Variants in RNASET2 observed in about 807,000 individuals in gnomAD.
RNASET2 encodes ribonuclease 6.
RNASET2 carries 28 observed loss-of-function variants against 33.9 expected under a neutral mutation model. That is an observed-to-expected ratio of 0.83 (90% CI 0.61 to 1.13). The LOEUF is 1.13. RNASET2 is among the 50% of genes most tolerant of loss of function. The pLI, the probability that RNASET2 is intolerant of heterozygous loss-of-function variation, is 0.00. For missense variants in RNASET2, 330 were observed against 319.9 expected (o/e 1.03, Z -0.24); for synonymous variants, 123 against 121.0 (o/e 1.02, Z -0.11).
chr6:166,952,359 C>T (rs1352883245), intron 2 of RNASET2, 129 bp downstream of exon 2: 16 of 826,058 alleles, frequency 1.9e-5, no homozygotes, highest in Non-Finnish European at 3.0e-5. Context: ...CAGGAGACAC[C>T]GCCCACCCGC....
intron 1 of RNASET2, among the ~76,000 whole-genome samples, chr6:166,955,124 T>TG (rs1263937788): frequency 3.3e-5 from 5 of 152,260 alleles, no homozygotes; most frequent in African/African-American, 1.2e-4. Flanking sequence ...GAATTAAAGT[T>TG]GGAGTTCTTT....
chr6:166,949,320 G>A (rs896418738), intron 2 of RNASET2, among the ~76,000 whole-genome samples: 1 of 151,060 alleles, frequency 6.6e-6, no homozygotes, highest in African/African-American at 2.4e-5. Flanking sequence ...TGGCCAACCT[G>A]TGAAACCCTG....
rs753717179 is a variant in RNASET2 at position 166,939,058 on chromosome 6, G to A, written c.333-50C>T. 89 of 1,329,630 alleles carry A rather than the reference G, an allele frequency of 6.7e-5. No individual in the cohort carries two copies. In the Admixed American group the frequency reaches 7.9e-4, roughly 12 times the overall value. The allele number at this position is 1,329,630 out of a possible 1,614,324, so 82.4% of individuals were successfully genotyped here. ...ACTTAAAAGTAGTGAAACAGGCTGC[G>A]TGCAGTGGCTCATGCCTGTAATCCC... On this transcript the variant is annotated intron_variant, in intron 5 of 8. Coordinates refer to ENST00000508775, the MANE Select transcript of RNASET2 (RefSeq NM_003730.6).
At chr6:166,942,952 C>T (rs1200592541) in intron 5 of RNASET2, 67 bp downstream of exon 5, 12 of 1,283,554 alleles carry the variant, frequency 9.3e-6, no homozygotes, top group African/African-American at 2.9e-5. Context: ...CCACTTCTAG[C>T]GATTCATCAC....
chr6:166,929,812 A>T, intron 8 of RNASET2, 21 bp from the exon 9 acceptor site: 1 of 1,600,638 alleles, frequency 6.2e-7, no homozygotes, highest in Admixed American at 1.7e-5. Context: ...ACAATGAAAG[A>T]CGCTTTAGAA....
chr6:166,955,892 T>A (rs1779152824), intron 1 of RNASET2: 1 of 618,026 alleles, frequency 1.6e-6, no homozygotes, highest in African/African-American at 2.2e-5. Flanking sequence ...CCCAACCCAC[T>A]CCCTCCAGGG....
At chr6:166,952,389 C>A in intron 2 of RNASET2, 99 bp downstream of exon 2, 2 of 1,047,100 alleles carry the variant, frequency 1.9e-6, no homozygotes, top group Admixed American at 1.7e-5. Flanking sequence ...GCCTACCTCC[C>A]GCACCAGCAG....
At chr6:166,947,057 G>A (rs1448432522) in intron 3 of RNASET2, among the ~76,000 whole-genome samples, 1 of 152,110 alleles carries the variant, frequency 6.6e-6, no homozygotes, top group Non-Finnish European at 1.5e-5. Flanking sequence ...GTCAGCCCCG[G>A]CTGGGTTGAC....
intron 1 of RNASET2, among the ~76,000 whole-genome samples, chr6:166,954,108 A>C (rs1779050269): frequency 6.7e-6 from 1 of 150,234 alleles, no homozygotes. Flanking sequence ...ACTGCAGGAG[A>C]CCCCCTCCCA....
At chr6:166,950,221 T>C (rs969219239) in intron 2 of RNASET2, among the ~76,000 whole-genome samples, 1 of 140,012 alleles carries the variant, frequency 7.1e-6, no homozygotes, top group South Asian at 2.2e-4. Flanking sequence ...ACGGTCCTTC[T>C]TCCGTAGGAA....
At chr6:166,941,334 A>T (rs1295416222) in intron 5 of RNASET2, among the ~76,000 whole-genome samples, 2 of 152,234 alleles carry the variant, frequency 1.3e-5, no homozygotes, top group South Asian at 4.1e-4. Flanking sequence ...ATTTATTTTA[A>T]GCCATTTAGC....
intron 1 of RNASET2, 43 bp from the exon 2 acceptor site, chr6:166,952,591 A>C (rs1402541567): frequency 6.6e-7 from 1 of 1,517,868 alleles, no homozygotes; most frequent in African/African-American, 1.4e-5. Context: ...ACTTTTTTTA[A>C]AGTTACAGAA....
intron 2 of RNASET2, 50 bp from the exon 3 acceptor site, chr6:166,948,675 T>C (rs769278785): frequency 2.8e-6 from 3 of 1,063,822 alleles, no homozygotes; most frequent in Non-Finnish European, 4.4e-6. Context: ...TTTATTCAAA[T>C]ACACTTAGGA....
Position 166,946,594 on chromosome 6 carries a change from T to G in RNASET2, c.261+88A>C. 3 of 791,468 alleles carry G rather than the reference T, an allele frequency of 3.8e-6. No homozygotes were observed. The South Asian group carries it at 4.4e-5, about 12-fold the overall frequency. 49.0% of individuals were successfully genotyped at this position (791,468 alleles called of 1,614,324 possible). A position where few individuals can be genotyped will look rare whatever the true frequency, so the allele number is the denominator to read the frequency against. On this transcript the variant is annotated intron_variant, in intron 4 of 8. Coordinates refer to ENST00000508775, the MANE Select transcript of RNASET2 (RefSeq NM_003730.6). ...TGAATACATTCATGACCCCTTAATT[T>G]TAAAGATGACTTTGAAGGTACGCTT...
chr6:166,926,265 C>T lies in RNASET2; in HGVS notation c.*3323G>A, dbSNP rs1448695722. Among the ~76,000 whole-genome samples, 5 of 151,688 alleles carry T rather than the reference C, an allele frequency of 3.3e-5. No individual in the cohort carries two copies. Among genetic ancestry groups the T allele is most frequent in the South Asian group, 2.1e-4 (1 of 4,784 alleles). ...AAAGATAAGATACCTGGGCCAGGCG[C>T]GGTGGCTCACACCTATAATCCTAGC... On this transcript the variant is annotated 3_prime_UTR_variant, in exon 9 of 9. Transcript: ENST00000508775.
intron 5 of RNASET2, among the ~76,000 whole-genome samples, chr6:166,940,622 C>A (rs1778671818): frequency 6.6e-6 from 1 of 152,062 alleles, no homozygotes; most frequent in Non-Finnish European, 1.5e-5. Flanking sequence ...TCCTGGCTCA[C>A]AATAAACAGT....
chr6:166,955,347 G>GCACA (rs1491247340), intron 1 of RNASET2: 1 of 172,354 alleles, frequency 5.8e-6, no homozygotes, highest in African/African-American at 3.6e-5. Flanking sequence ...ACACGCACAC[G>GCACA]CACGCACACA....
At position 166,928,678 on chromosome 6, in the gene RNASET2, A is replaced by G. The variant is rs1778344866; in HGVS notation, c.*910T>C. ...AACAGGTTGTCTTAACAACACATGG[A>G]AAGCTCCTCACTGCACAGCCCCCAG... On this transcript the variant is annotated 3_prime_UTR_variant, in exon 9 of 9. Transcript: ENST00000508775. Among the ~76,000 whole-genome samples the G allele has an allele frequency of 1.3e-5, 2 of 152,240 alleles. No homozygotes were observed. Among genetic ancestry groups the G allele is most frequent in the African/African-American group, 4.8e-5 (2 of 41,454 alleles).
At position 166,956,115 on chromosome 6, in the gene RNASET2, C is replaced by G. The variant is rs767378195; in HGVS notation, c.68G>C (p.Gly23Ala). Residue 23 changes from glycine to alanine, a missense_variant, in exon 1 of 9, where the codon GGT becomes GCT. By Grantham distance (60) the Gly-to-Ala change is moderately conservative. Transcript: ENST00000508775. Reference protein sequence around the residue: ...CLCLALLCLGGADKRLRDNHE... With the variant: ...CLCLALLCLGAADKRLRDNHE... The stretch of plus-strand genomic sequence containing the variant: ...AACTCACCGCAGGCGCTTGTCCGCA[C>G]CGCCCAGGCAAAGCAACGCCAGGCA... 1.1e-5 allele frequency: 17 copies of G among 1,552,402 alleles called. No homozygotes were observed. The South Asian group carries it at 2.0e-4, about 18-fold the overall frequency.
Sources: allele counts gnomAD v4.1 joint callset (sites outside exome capture counted in the v4.1 genomes callset), GRCh38; gene constraint gnomAD v4.1.1; transcripts MANE v1.5; gene names NCBI Gene and HGNC (gene_info 2026-07-23, HGNC 2026-07-21).